The following FAR2 variants were observed in gnomAD, a reference collection of about 807,000 sequenced individuals.
The protein encoded by FAR2 is epididymis secretory protein Li 81.
Under a neutral mutation model 56.0 loss-of-function variants are expected in FAR2, and 19 were observed. The ratio of observed to expected loss-of-function variants is 0.34; its 90% CI spans 0.24 to 0.50. FAR2 has a LOEUF of 0.50. FAR2 is among the 20% of genes least tolerant of loss of function. The probability of loss-of-function intolerance (pLI) is 0.98; values close to 1 mark genes in which losing one functional copy is unlikely to be tolerated. For missense variants in FAR2, 508 were observed against 642.2 expected, an observed-to-expected ratio of 0.79 and a Z score of 2.26; for synonymous variants, 219 against 218.8, an observed-to-expected ratio of 1.00 and a Z score of -0.01.
intron 5 of FAR2, among the ~76,000 whole-genome samples, chr12:29,308,723 T>C (rs924907213): frequency 4.0e-5 from 6 of 149,166 alleles, no homozygotes; most frequent in African/African-American, 1.3e-4. Context: ...CACACACATA[T>C]ATATATATAT....
At chr12:29,264,851 A>G (rs1473025867) in intron 1 of FAR2, among the ~76,000 whole-genome samples, 3 of 151,724 alleles carry the variant, frequency 2.0e-5, no homozygotes, top group Non-Finnish European at 4.4e-5. Context: ...AAGTCAACAT[A>G]TAAAAATCAG....
chr12:29,267,103 T>C (rs1481028775), intron 1 of FAR2, among the ~76,000 whole-genome samples: 1 of 152,164 alleles, frequency 6.6e-6, no homozygotes, highest in Non-Finnish European at 1.5e-5. Context: ...ATAGGCAAAA[T>C]TTATCATGAA....
Position 29,321,814 on chromosome 12 carries a change from C to A in FAR2, c.1147C>A (p.Arg383=). The change falls in exon 10 of 12, where the codon CGG becomes AGG. Residue 383 remains arginine (R), a synonymous_variant. Coordinates refer to ENST00000536681, the MANE Select transcript of FAR2 (RefSeq NM_001271783.2). ...TCTCAGGATGACAAAGCTCATGAATCGGCTTTTAAGAACTGTTTCCATGTT... is the reference window on the plus strand; with the variant it reads ...TCTCAGGATGACAAAGCTCATGAATAGGCTTTTAAGAACTGTTTCCATGTT... ...RKPRMTKLMN[R]LLRTVSMLEY... is the part of the protein sequence containing the mutation. The A allele has an allele frequency of 6.2e-7, 1 of 1,613,410 alleles. No individual in the cohort carries two copies. Among genetic ancestry groups the A allele is most frequent in the South Asian group, 1.1e-5 (1 of 91,016 alleles).
At chr12:29,318,668 T>C (rs1204528811) in intron 9 of FAR2, among the ~76,000 whole-genome samples, 1 of 152,238 alleles carries the variant, frequency 6.6e-6, no homozygotes, top group Non-Finnish European at 1.5e-5. Flanking sequence ...CATAGTTTGC[T>C]TTGCAGTAGG....
At chr12:29,234,538 C>A (rs1396271092) in intron 1 of FAR2, among the ~76,000 whole-genome samples, 1 of 152,134 alleles carries the variant, frequency 6.6e-6, no homozygotes, top group Non-Finnish European at 1.5e-5. Context: ...AGTCTGTTAT[C>A]CAGTTCCCCT....
At position 29,311,924 on chromosome 12, in the gene FAR2, T is replaced by G; in HGVS notation, c.929T>G (p.Met310Arg). The change falls in exon 8 of 12, where the codon ATG becomes AGG. Residue 310 changes from methionine to arginine, a missense_variant. By Grantham distance (91) the Met-to-Arg change is moderately conservative. Transcript: ENST00000536681. ...GTCTACCACATTACATCTGGTAACA[T>G]GAATCCCTGCAATTGGCACAAAATG... is the stretch of plus-strand genomic sequence containing the variant. ...TLVYHITSGN[M>R]NPCNWHKMGV... is the part of the protein sequence containing the mutation. 2 of 1,611,710 alleles carry G rather than the reference T, an allele frequency of 1.2e-6. No homozygotes were observed. The highest frequency in any genetic ancestry group is 1.7e-6 in the Non-Finnish European group (2 of 1,178,704).
intron 1 of FAR2, among the ~76,000 whole-genome samples, chr12:29,245,105 C>T (rs1431974590): frequency 2.0e-5 from 3 of 152,018 alleles, no homozygotes; most frequent in East Asian, 1.9e-4. Context: ...CTCAGCCTCC[C>T]GAGTAGCTGG....
At chr12:29,261,548 A>G (rs890775901) in intron 1 of FAR2, among the ~76,000 whole-genome samples, 1 of 152,228 alleles carries the variant, frequency 6.6e-6, no homozygotes, top group Non-Finnish European at 1.5e-5. Context: ...AAAGAAAGAT[A>G]CCAATATCCA....
intron 2 of FAR2, among the ~76,000 whole-genome samples, chr12:29,285,132 C>T (rs1046009938): frequency 6.6e-6 from 1 of 152,084 alleles, no homozygotes; most frequent in African/African-American, 2.4e-5. Context: ...TGAGCCACCG[C>T]GCCCGGCCGC....
At chr12:29,173,111 T>C (rs1209884627) in intron 1 of FAR2, among the ~76,000 whole-genome samples, 1 of 152,256 alleles carries the variant, frequency 6.6e-6, no homozygotes, top group African/African-American at 2.4e-5. Flanking sequence ...AGGTTTGCCC[T>C]AGATCCTGTA....
At chr12:29,240,585 T>G (rs1948013236) in intron 1 of FAR2, among the ~76,000 whole-genome samples, 1 of 151,998 alleles carries the variant, frequency 6.6e-6, no homozygotes, top group Non-Finnish European at 1.5e-5. Flanking sequence ...CCCAGTTTGC[T>G]TCATGGGCAT....
At chr12:29,268,636 A>G (rs772670639) in intron 1 of FAR2, among the ~76,000 whole-genome samples, 10 of 152,198 alleles carry the variant, frequency 6.6e-5, no homozygotes, top group African/African-American at 2.2e-4. Flanking sequence ...TATAAGGGGG[A>G]AAAAGGTGGC....
In FAR2 at chr12:29,270,620, C is replaced by A. The variant is rs574206301; in HGVS notation, c.171C>A (p.Phe57Leu). Residue 57 changes from phenylalanine to leucine, a missense_variant, in exon 2 of 12, where the codon TTC (phenylalanine) becomes TTA (leucine). Physicochemically the swap from Phe to Leu is conservative, Grantham distance 22 (BLOSUM62 0). Transcript: ENST00000536681. ...KAGQTLQQRV[F>L]QILDSKLFEK... ...GCCAGACACTGCAGCAGAGGGTTTT[C>A]CAGATCCTAGACAGTAAGGTATGCC... is the stretch of plus-strand genomic sequence containing the variant. 2 of 1,612,822 alleles carry A rather than the reference C, an allele frequency of 1.2e-6. No homozygotes were observed. Among genetic ancestry groups the A allele is most frequent in the Non-Finnish European group, 1.7e-6 (2 of 1,179,376 alleles).
rs148435373 is a variant in FAR2, at chr12:29,173,942, C to T, written c.-39+24535C>T. ...CTGCACCCTTGCCTGTCCTCTTAGACCACAAAGAGGACTGAGGAAGGTCAG... is the reference window on the plus strand; with the variant it reads ...CTGCACCCTTGCCTGTCCTCTTAGATCACAAAGAGGACTGAGGAAGGTCAG... On this transcript the variant is annotated intron_variant, in intron 1 of 11. Coordinates refer to ENST00000536681, the MANE Select transcript of FAR2 (RefSeq NM_001271783.2). Among the ~76,000 whole-genome samples the T allele has an allele frequency of 3.8e-3, 578 of 152,210 alleles. 3 individuals carry two copies. Among genetic ancestry groups the T allele is most frequent in the Middle Eastern group, 0.01 (3 of 294 alleles).
At chr12:29,190,682 C>T (rs1278848699) in intron 1 of FAR2, among the ~76,000 whole-genome samples, 1 of 151,968 alleles carries the variant, frequency 6.6e-6, no homozygotes, top group Non-Finnish European at 1.5e-5. Flanking sequence ...CCAGGATGGT[C>T]TCCATCTCCT....
At chr12:29,194,024 AG>A (rs914947454) in intron 1 of FAR2, among the ~76,000 whole-genome samples, 18 of 152,204 alleles carry the variant, frequency 1.2e-4, no homozygotes, top group African/African-American at 4.3e-4. Flanking sequence ...TGTTATTCTA[AG>A]TTATAATACA....
At chr12:29,267,227 A>G (rs1948532158) in intron 1 of FAR2, among the ~76,000 whole-genome samples, 1 of 152,226 alleles carries the variant, frequency 6.6e-6, no homozygotes, top group Admixed American at 6.5e-5. Flanking sequence ...CAGGACATTT[A>G]AAATAAATGC....
At chr12:29,165,414 A>C (rs971495008) in intron 1 of FAR2, among the ~76,000 whole-genome samples, 1 of 152,228 alleles carries the variant, frequency 6.6e-6, no homozygotes, top group Non-Finnish European at 1.5e-5. Context: ...CAGGGATCAC[A>C]GACGAGGAAA....
intron 1 of FAR2, among the ~76,000 whole-genome samples, chr12:29,259,673 T>C (rs1158724297): frequency 2.0e-5 from 3 of 152,172 alleles, no homozygotes; most frequent in Non-Finnish European, 4.4e-5. Context: ...CCATGGAAAA[T>C]TGGTGATCTT....
Sources: allele counts gnomAD v4.1 joint callset (sites outside exome capture counted in the v4.1 genomes callset), GRCh38; gene constraint gnomAD v4.1.1; transcripts MANE v1.5; gene names NCBI Gene and HGNC (gene_info 2026-07-23, HGNC 2026-07-21).